The following LYPD6 variants were observed in gnomAD, a reference collection of about 807,000 sequenced individuals.
LYPD6 encodes the protein ly6/PLAUR domain-containing protein 6.
LYPD6 carries 15 observed loss-of-function variants against 22.7 expected under a neutral mutation model. That is an observed-to-expected ratio of 0.66 (90% confidence interval 0.44 to 1.02). The LOEUF (loss-of-function observed/expected upper bound fraction) is 1.02. LYPD6 is among the 50% of genes least tolerant of loss of function. The pLI, the probability that LYPD6 is intolerant of heterozygous loss-of-function variation, is 0.00. For missense variants in LYPD6, 189 were observed against 208.4 expected, an observed-to-expected ratio of 0.91 and a Z score of 0.57; for synonymous variants, 72 against 77.5, an observed-to-expected ratio of 0.93 and a Z score of 0.37.
At chr2:149,351,024 G>A (rs2105058584) in intron 1 of LYPD6, among the ~76,000 whole-genome samples, 1 of 152,310 alleles carries the variant, frequency 6.6e-6, no homozygotes, top group East Asian at 1.9e-4. Flanking sequence ...GAAGGAATAA[G>A]GAAAAGCAGA....
intron 1 of LYPD6, among the ~76,000 whole-genome samples, chr2:149,369,009 G>A (rs536606231): frequency 2.0e-5 from 3 of 152,138 alleles, no homozygotes; most frequent in African/African-American, 7.2e-5. Context: ...GAGATGAGCA[G>A]TGTTTCAGGG....
intron 1 of LYPD6, among the ~76,000 whole-genome samples, chr2:149,432,660 C>T (rs1683342275): frequency 6.6e-6 from 1 of 152,208 alleles, no homozygotes; most frequent in Non-Finnish European, 1.5e-5. Flanking sequence ...TGGTGAGCAG[C>T]ATAGTACCCT....
intron 3 of LYPD6, 69 bp from the exon 4 acceptor site, chr2:149,468,576 C>T (rs956041475): frequency 3.3e-6 from 5 of 1,531,018 alleles, no homozygotes; most frequent in Admixed American, 1.7e-5. Flanking sequence ...TGCTGACACT[C>T]CTGTTATTTT....
At chr2:149,338,272 CA>C (rs1681097116) in intron 1 of LYPD6, among the ~76,000 whole-genome samples, 1 of 152,324 alleles carries the variant, frequency 6.6e-6, no homozygotes, top group Admixed American at 6.5e-5. Flanking sequence ...ATTCCACCAG[CA>C]GTGTATAAGA....
At chr2:149,419,194 A>G (rs1322994144) in intron 1 of LYPD6, among the ~76,000 whole-genome samples, 1 of 152,224 alleles carries the variant, frequency 6.6e-6, no homozygotes, top group African/African-American at 2.4e-5. Flanking sequence ...TGCAGGTATG[A>G]TGCCTGGTCT....
chr2:149,332,198 C>T (rs892222307), intron 1 of LYPD6, among the ~76,000 whole-genome samples: 8 of 152,182 alleles, frequency 5.3e-5, no homozygotes, highest in African/African-American at 1.7e-4. Flanking sequence ...AAGAGGCTTC[C>T]TTGTTTAAAT....
chr2:149,431,991 T>A (rs914404582), intron 1 of LYPD6, among the ~76,000 whole-genome samples: 6 of 152,122 alleles, frequency 3.9e-5, no homozygotes, highest in Non-Finnish European at 8.8e-5. Flanking sequence ...AAATGGCTAA[T>A]AAGCACATGA....
chr2:149,470,377 A>AT (rs1401656343), intron 4 of LYPD6, among the ~76,000 whole-genome samples: 1 of 152,168 alleles, frequency 6.6e-6, no homozygotes, highest in Non-Finnish European at 1.5e-5. Context: ...CTTTATTCCC[A>AT]TTTTAAGGGC....
rs1681262906 is a variant in LYPD6 at position 149,468,726 on chromosome 2, A to G, written c.299A>G (p.Glu100Gly). ...GTCACCAAACGCTGTGTCCCACTGGAAGAGTGCTTATCCACTGGCTGCAGA... is the reference window on the plus strand; with the variant it reads ...GTCACCAAACGCTGTGTCCCACTGGGAGAGTGCTTATCCACTGGCTGCAGA... ...ISVTKRCVPL[E>G]ECLSTGCRDS... is the part of the protein sequence containing the mutation. Residue 100 changes from glutamate to glycine, a missense_variant, in exon 4 of 5, where the codon GAA (glutamate) becomes GGA (glycine). Transcript: ENST00000334166. 6.2e-7 allele frequency: 1 copy of G among 1,613,584 alleles called. No homozygotes were observed. The highest frequency in any genetic ancestry group is 1.7e-5 in the Admixed American group (1 of 59,982).
At chr2:149,372,113 C>T (rs191205357) in intron 1 of LYPD6, among the ~76,000 whole-genome samples, 77 of 152,238 alleles carry the variant, frequency 5.1e-4, no homozygotes, top group Admixed American at 4.6e-3. Flanking sequence ...AAATTAAGGA[C>T]TATGGCTTGA....
At chr2:149,405,466 G>A (rs570326887) in intron 1 of LYPD6, among the ~76,000 whole-genome samples, 258 of 152,188 alleles carry the variant, frequency 1.7e-3, no homozygotes, top group African/African-American at 6.0e-3. Flanking sequence ...GTCTTGGGAG[G>A]GTGTATGTGT....
At chr2:149,416,836 A>G (rs941890518) in intron 1 of LYPD6, among the ~76,000 whole-genome samples, 1 of 152,200 alleles carries the variant, frequency 6.6e-6, no homozygotes, top group African/African-American at 2.4e-5. Flanking sequence ...CTGGTGCTTC[A>G]CCTGCACATT....
At chr2:149,459,269 A>G (rs975281494) in intron 3 of LYPD6, among the ~76,000 whole-genome samples, 7 of 152,228 alleles carry the variant, frequency 4.6e-5, no homozygotes, top group Admixed American at 3.3e-4. Flanking sequence ...AAAAAAAGCT[A>G]TCAATGCTGA....
At chr2:149,410,109 A>G (rs1016387236) in intron 1 of LYPD6, among the ~76,000 whole-genome samples, 1 of 152,208 alleles carries the variant, frequency 6.6e-6, no homozygotes, top group African/African-American at 2.4e-5. Flanking sequence ...AACACTTGGC[A>G]TATAGTAGGT....
At chr2:149,478,392 G>C (rs552998204), downstream of LYPD6, among the ~76,000 whole-genome samples, 1 of 61,726 alleles carries the variant, frequency 1.6e-5, no homozygotes, top group South Asian at 6.5e-4. Flanking sequence ...GTGTGTGTGT[G>C]TGTGTGTGCG....
chr2:149,429,390 G>T (rs907567307), intron 1 of LYPD6, among the ~76,000 whole-genome samples: 1 of 152,184 alleles, frequency 6.6e-6, no homozygotes, highest in Non-Finnish European at 1.5e-5. Flanking sequence ...CTGAAAACAA[G>T]GTTAAAAGTC....
chr2:149,337,816 TTTG>T (rs1261729263), intron 1 of LYPD6, among the ~76,000 whole-genome samples: 2 of 152,148 alleles, frequency 1.3e-5, no homozygotes, highest in African/African-American at 4.8e-5. Context: ...GACCCCAGTG[TTTG>T]TTGTTCTCTT....
At chr2:149,378,921 C>A (rs1681997846) in intron 1 of LYPD6, among the ~76,000 whole-genome samples, 1 of 152,142 alleles carries the variant, frequency 6.6e-6, no homozygotes, top group Non-Finnish European at 1.5e-5. Flanking sequence ...GAATATAGAT[C>A]ACAAAAAGTA....
chr2:149,332,118 T>G (rs1294476375), intron 1 of LYPD6, among the ~76,000 whole-genome samples: 1 of 152,262 alleles, frequency 6.6e-6, no homozygotes, highest in Non-Finnish European at 1.5e-5. Context: ...CATTTAAATG[T>G]AAAACATCTA....
Sources: allele counts gnomAD v4.1 joint callset (sites outside exome capture counted in the v4.1 genomes callset), GRCh38; gene constraint gnomAD v4.1.1; transcripts MANE v1.5; gene names NCBI Gene and HGNC (gene_info 2026-07-23, HGNC 2026-07-21).